Variants in KLHL18 observed in about 807,000 individuals in gnomAD.
KLHL18 encodes kelch like family member 18.
A neutral mutation model predicts 58.5 loss-of-function variants in KLHL18; 38 were observed. The observed-to-expected ratio is 0.65, with a 90% CI of 0.50 to 0.85. The LOEUF is 0.85. KLHL18 is among the 40% of genes least tolerant of loss of function. The pLI, the probability that KLHL18 is intolerant of heterozygous loss-of-function variation, is 0.00. For missense variants in KLHL18, 624 were observed against 778.4 expected, an observed-to-expected ratio of 0.80 and a Z score of 2.36; for synonymous variants, 303 against 301.9, an observed-to-expected ratio of 1.00 and a Z score of -0.04.
At chr3:47,316,797 A>G (rs983818453) in intron 1 of KLHL18, among the ~76,000 whole-genome samples, 6 of 147,732 alleles carry the variant, frequency 4.1e-5, no homozygotes, top group Non-Finnish European at 8.9e-5. Context: ...ATATGTGTGT[A>G]TATATATACA....
intron 1 of KLHL18, among the ~76,000 whole-genome samples, chr3:47,300,936 G>A (rs1002774589): frequency 2.6e-5 from 4 of 152,064 alleles, no homozygotes; most frequent in Non-Finnish European, 5.9e-5. Flanking sequence ...CACCACGCCC[G>A]GCCTCACTGG....
chr3:47,283,112 G>T lies in KLHL18; in HGVS notation c.129+18G>T. The T allele has an allele frequency of 6.4e-7, 1 of 1,561,768 alleles. No homozygotes were observed. Among genetic ancestry groups the T allele is most frequent in the Non-Finnish European group, 8.7e-7 (1 of 1,153,990 alleles). On this transcript the variant is annotated intron_variant, in intron 1 of 9. Transcript: ENST00000232766. ...CCCTCAAGGTACCGCGGACTGGGCGGCAGCGGGCTGAGGGAAAAGGGGTCG... is the reference window on the plus strand; with the variant it reads ...CCCTCAAGGTACCGCGGACTGGGCGTCAGCGGGCTGAGGGAAAAGGGGTCG...
intron 1 of KLHL18, among the ~76,000 whole-genome samples, chr3:47,302,354 G>A (rs779781544): frequency 2.0e-5 from 3 of 152,022 alleles, no homozygotes; most frequent in Non-Finnish European, 2.9e-5. Context: ...GTGTGGTGGC[G>A]TGCACCTGTA....
chr3:47,307,427 G>A (rs577227815), intron 1 of KLHL18, among the ~76,000 whole-genome samples: 1 of 152,000 alleles, frequency 6.6e-6, no homozygotes, highest in East Asian at 1.9e-4. Context: ...TCTCTCTTAA[G>A]GTTAATGCTT....
chr3:47,321,477 G>A (rs1703587044), intron 2 of KLHL18, among the ~76,000 whole-genome samples: 1 of 152,054 alleles, frequency 6.6e-6, no homozygotes, highest in African/African-American at 2.4e-5. Context: ...AGCCTCTCAA[G>A]TAGCTGGGAC....
At chr3:47,321,247 C>T (rs1417137966) in intron 2 of KLHL18, among the ~76,000 whole-genome samples, 1 of 152,004 alleles carries the variant, frequency 6.6e-6, no homozygotes, top group Non-Finnish European at 1.5e-5. Flanking sequence ...GGGCTCACTG[C>T]AACCTCCACC....
chr3:47,287,746 A>G (rs2107572781), intron 1 of KLHL18, among the ~76,000 whole-genome samples: 1 of 152,128 alleles, frequency 6.6e-6, no homozygotes, highest in South Asian at 2.1e-4. Context: ...CGGCCTCCCA[A>G]AGTGTTGGGA....
chr3:47,299,290 G>C (rs1200552898), intron 1 of KLHL18, among the ~76,000 whole-genome samples: 1 of 152,194 alleles, frequency 6.6e-6, no homozygotes, highest in Admixed American at 6.6e-5. Context: ...TGAGTACAGT[G>C]GTATGTGCCT....
In KLHL18 at chr3:47,329,976, G is replaced by A. The variant is rs370188377; in HGVS notation, c.427G>A (p.Val143Met). The A allele has an allele frequency of 2.7e-5, 43 of 1,614,038 alleles. No individual in the cohort carries two copies. Among genetic ancestry groups the A allele is most frequent in the East Asian group, 6.7e-5 (3 of 44,876 alleles). ...ERLHPKNCLG[V>M]RQFAETMMCA... ...GCTTCACCCAAAAAACTGCCTGGGTGTGCGCCAGTTTGCTGAGACAATGAT... is the reference window on the plus strand; with the variant it reads ...GCTTCACCCAAAAAACTGCCTGGGTATGCGCCAGTTTGCTGAGACAATGAT... Residue 143 changes from valine to methionine, a missense_variant, in exon 4 of 10, where the codon GTG becomes ATG. Coordinates refer to ENST00000232766, the MANE Select transcript of KLHL18 (RefSeq NM_025010.5).
chr3:47,301,811 T>C (rs1292430073), intron 1 of KLHL18, among the ~76,000 whole-genome samples: 1 of 152,126 alleles, frequency 6.6e-6, no homozygotes, highest in Non-Finnish European at 1.5e-5. Flanking sequence ...TCTTCTTCTT[T>C]TTGAGATAGG....
At chr3:47,302,613 G>A (rs1209414465) in intron 1 of KLHL18, among the ~76,000 whole-genome samples, 4 of 152,232 alleles carry the variant, frequency 2.6e-5, no homozygotes, top group South Asian at 4.1e-4. Flanking sequence ...AGGAGGAAGA[G>A]AAGGGTTGGT....
Position 47,344,242 on chromosome 3 carries a change from C to A in KLHL18, c.*301C>A, listed in dbSNP as rs1049323393. 2 of 414,334 alleles carry A rather than the reference C, an allele frequency of 4.8e-6. No individual in the cohort carries two copies. The highest frequency in any genetic ancestry group is 3.1e-5 in the South Asian group (1 of 32,126). 25.7% of individuals were successfully genotyped at this position (414,334 alleles called of 1,614,324 possible). A position where few individuals can be genotyped will look rare whatever the true frequency, so the allele number is the denominator to read the frequency against. ...TCCATCCAGGCCCAGCTCCTACCCA[C>A]CGCCTCTCTGTGGGCCAGCTGTTCA... On this transcript the variant is annotated 3_prime_UTR_variant, in exon 10 of 10. Coordinates refer to ENST00000232766, the MANE Select transcript of KLHL18 (RefSeq NM_025010.5).
At chr3:47,302,904 GC>G (rs1227430752) in intron 1 of KLHL18, among the ~76,000 whole-genome samples, 1 of 152,170 alleles carries the variant, frequency 6.6e-6, no homozygotes, top group Non-Finnish European at 1.5e-5. Context: ...TTCTGGCACT[GC>G]TTCTTGAATG....
rs1703909049 is a variant in KLHL18 at position 47,333,280 on chromosome 3, C to T, written c.724C>T (p.Gln242Ter). The change falls in exon 5 of 10, where the codon CAG becomes TAG. Residue 242 changes from glutamine to a stop codon, truncating the protein, a stop_gained. Coordinates refer to ENST00000232766, the MANE Select transcript of KLHL18 (RefSeq NM_025010.5). LOFTEE classifies it high-confidence loss of function. ...GCCCCAGTTCCTTTCAGACAGAGTA[C>T]AGCAGGATGACCTGGTGCGTTGCTG... ...CRPQFLSDRV[Q>*]QDDLVRCCHK... The T allele has an allele frequency of 6.2e-7, 1 of 1,614,120 alleles. No homozygotes were observed. Among genetic ancestry groups the T allele is most frequent in the Non-Finnish European group, 8.5e-7 (1 of 1,179,994 alleles).
At chr3:47,321,092 G>A (rs544768169) in intron 2 of KLHL18, among the ~76,000 whole-genome samples, 2 of 152,164 alleles carry the variant, frequency 1.3e-5, no homozygotes, top group Non-Finnish European at 2.9e-5. Flanking sequence ...TCCATGATGA[G>A]CACAGCTCTA....
At chr3:47,335,295 A>T (rs937663920) in intron 6 of KLHL18, among the ~76,000 whole-genome samples, 1 of 152,186 alleles carries the variant, frequency 6.6e-6, no homozygotes, top group African/African-American at 2.4e-5. Context: ...GAAAGTCCCC[A>T]AGAGAAAGAT....
intron 3 of KLHL18, among the ~76,000 whole-genome samples, chr3:47,326,836 G>A (rs377733161): frequency 3.3e-5 from 5 of 151,538 alleles, no homozygotes; most frequent in South Asian, 2.1e-4. Context: ...CAGGAGAATC[G>A]CTTGAACCTG....
intron 1 of KLHL18, among the ~76,000 whole-genome samples, chr3:47,309,934 GGCGGAGTACAGTCCAGCTTC>G (rs1048890442): frequency 2.0e-5 from 3 of 151,498 alleles, no homozygotes; most frequent in Non-Finnish European, 4.4e-5. Flanking sequence ...GAGCAGAGAT[GGCGGAGTACAGTCCAGCTTC>G]GGCTCGGCAT....
intron 4 of KLHL18, among the ~76,000 whole-genome samples, chr3:47,330,639 C>G (rs1345983900): frequency 6.6e-6 from 1 of 151,970 alleles, no homozygotes; most frequent in Non-Finnish European, 1.5e-5. Context: ...TTTTGTCAAC[C>G]TACTCACCTT....
Sources: allele counts gnomAD v4.1 joint callset (sites outside exome capture counted in the v4.1 genomes callset), GRCh38; gene constraint gnomAD v4.1.1; transcripts MANE v1.5; gene names NCBI Gene and HGNC (gene_info 2026-07-23, HGNC 2026-07-21).